IFT22: variants seen among roughly 807,000 people sequenced by gnomAD.
IFT22 encodes the protein intraflagellar transport protein 22 homolog.
IFT22 carries 13 observed loss-of-function variants against 21.0 expected under a neutral mutation model. The observed-to-expected ratio is 0.62, with a 90% CI of 0.40 to 0.98. IFT22 has a LOEUF of 0.98. IFT22 is among the 50% of genes least tolerant of loss of function. The pLI, the probability that IFT22 is intolerant of heterozygous loss-of-function variation, is 0.00. For synonymous variants in IFT22, 67 were observed against 82.4 expected, an observed-to-expected ratio of 0.81 and a Z score of 1.01; for missense variants, 227 against 228.9, an observed-to-expected ratio of 0.99 and a Z score of 0.06.
rs188615117 is a variant in IFT22, at chr7:101,315,551, G to T, written c.410-269C>A. 5.9e-5 allele frequency: 27 copies of T among 457,204 alleles called. No individual in the cohort carries two copies. The East Asian group carries it at 1.1e-3, about 18-fold the overall frequency. 28.3% of individuals were successfully genotyped at this position (457,204 alleles called of 1,614,324 possible). ...CATTTTGTTTCTGAATATTTTGTGAGTTCTTTTTCAGGATGACTGTGTCAC... is the reference window on the plus strand; with the variant it reads ...CATTTTGTTTCTGAATATTTTGTGATTTCTTTTTCAGGATGACTGTGTCAC... On this transcript the variant is annotated intron_variant, in intron 4 of 4. Coordinates refer to ENST00000315322, the MANE Select transcript of IFT22 (RefSeq NM_022777.4).
chr7:101,320,136 T>G (rs1032025898), intron 1 of IFT22, among the ~76,000 whole-genome samples: 9 of 151,874 alleles, frequency 5.9e-5, no homozygotes, highest in African/African-American at 1.7e-4. Context: ...TTTGTATTTT[T>G]AGTACAGATG....
Position 101,311,794 on chromosome 7 carries a change from A to G in IFT22, c.*3340T>C, listed in dbSNP as rs1789984692. Among the ~76,000 whole-genome samples the G allele has an allele frequency of 6.6e-6, 1 of 150,796 alleles. No individual in the cohort carries two copies. The highest frequency in any genetic ancestry group is 1.5e-5 in the Non-Finnish European group (1 of 67,636). ...TGGGAGGCTGAGGCGGGTAGACCACAAGGTCAGGAGTTCAAGACCAGCCTG... is the reference window on the plus strand; with the variant it reads ...TGGGAGGCTGAGGCGGGTAGACCACGAGGTCAGGAGTTCAAGACCAGCCTG... On this transcript the variant is annotated 3_prime_UTR_variant, in exon 5 of 5. Coordinates refer to ENST00000315322, the MANE Select transcript of IFT22 (RefSeq NM_022777.4).
chr7:101,319,411 T>C (rs4729687), intron 1 of IFT22, among the ~76,000 whole-genome samples: 81,096 of 151,514 alleles, frequency 0.54, 22,409 homozygotes, highest in African/African-American at 0.67. Flanking sequence ...TAGTAGAAAT[T>C]GGGGTTTCAC....
At position 101,312,998 on chromosome 7, in the gene IFT22, T is replaced by C. The variant is rs1296036135; in HGVS notation, c.*2136A>G. On this transcript the variant is annotated 3_prime_UTR_variant, in exon 5 of 5. Transcript: ENST00000315322. ...ACAGGCACGTGCTACCACGCCCAGCTAATTTTTGTATTTTTAGTAGAGACG... is the reference window on the plus strand; with the variant it reads ...ACAGGCACGTGCTACCACGCCCAGCCAATTTTTGTATTTTTAGTAGAGACG... Among the ~76,000 whole-genome samples, 2 of 151,492 alleles carry C rather than the reference T, an allele frequency of 1.3e-5. No individual in the cohort carries two copies. The highest frequency in any genetic ancestry group is 2.9e-5 in the Non-Finnish European group (2 of 67,892).
intron 3 of IFT22, among the ~76,000 whole-genome samples, chr7:101,317,124 G>T (rs1449385050): frequency 6.6e-6 from 1 of 151,570 alleles, no homozygotes; most frequent in Non-Finnish European, 1.5e-5. Flanking sequence ...TTTTTGTAAA[G>T]GTGGATGATT....
intron 2 of IFT22, chr7:101,318,463 T>C (rs990846396): frequency 2.0e-5 from 7 of 357,120 alleles, no homozygotes; most frequent in Non-Finnish European, 3.7e-5. Flanking sequence ...GAGATTGCAG[T>C]GAGCTGAGAT....
chr7:101,321,543 G>T, intron 1 of IFT22, 128 bp downstream of exon 1: 1 of 927,046 alleles, frequency 1.1e-6, no homozygotes, highest in Non-Finnish European at 1.6e-6. Context: ...CGCCAGTCGG[G>T]ATGGGCGCGG....
intron 1 of IFT22, 102 bp downstream of exon 1, chr7:101,321,569 G>T: frequency 2.3e-6 from 3 of 1,291,566 alleles, no homozygotes; most frequent in Non-Finnish European, 3.2e-6. Flanking sequence ...CCGGGTTCCC[G>T]CCTCCGGGAG....
At chr7:101,318,387 GTGTGCACC>G (rs1790227846) in intron 2 of IFT22, 174 bp from the exon 3 acceptor site, 1 of 466,596 alleles carries the variant, frequency 2.1e-6, no homozygotes, top group Admixed American at 3.4e-5. Context: ...GGGCATGATG[GTGTGCACC>G]TGTGATCTCA....
chr7:101,319,529 T>C (rs1288862609), intron 1 of IFT22, among the ~76,000 whole-genome samples: 2 of 151,768 alleles, frequency 1.3e-5, no homozygotes, highest in African/African-American at 4.8e-5. Flanking sequence ...AGCCAAGGAG[T>C]TCTTTTAGGT....
chr7:101,321,618 C>G, intron 1 of IFT22, 53 bp downstream of exon 1: 1 of 1,552,000 alleles, frequency 6.4e-7, no homozygotes, highest in Non-Finnish European at 8.7e-7. Context: ...TGCGCTCGCC[C>G]AGGCCCCGAG....
chr7:101,317,412 G>A (rs1360768118), intron 3 of IFT22, among the ~76,000 whole-genome samples: 1 of 151,820 alleles, frequency 6.6e-6, no homozygotes, highest in Non-Finnish European at 1.5e-5. Flanking sequence ...TGGATTACAG[G>A]TGTGAGCCAT....
intron 3 of IFT22, 95 bp downstream of exon 3, chr7:101,318,029 A>C (rs911374281): frequency 2.0e-5 from 21 of 1,072,894 alleles, no homozygotes; most frequent in Non-Finnish European, 2.8e-5. Context: ...TGGCCTCCCA[A>C]AGTGCTGGAA....
In IFT22 at chr7:101,311,363, A is replaced by G. The variant is rs1346014073; in HGVS notation, c.*3771T>C. 6.6e-6 allele frequency among the ~76,000 whole-genome samples: 1 copy of G among 152,156 alleles called. No individual in the cohort carries two copies. Among genetic ancestry groups the G allele is most frequent in the Non-Finnish European group, 1.5e-5 (1 of 68,026 alleles). Reference sequence around the variant, plus strand: ...AAATAATTTCCTTTTGAGGTGGTCAATTTTGTGAGATGGATTCTTGTTAGG... The same window carrying G: ...AAATAATTTCCTTTTGAGGTGGTCAGTTTTGTGAGATGGATTCTTGTTAGG... On this transcript the variant is annotated 3_prime_UTR_variant, in exon 5 of 5. Coordinates refer to ENST00000315322, the MANE Select transcript of IFT22 (RefSeq NM_022777.4).
At chr7:101,321,524 G>A (rs1562935590) in intron 1 of IFT22, 147 bp downstream of exon 1, 2 of 742,286 alleles carry the variant, frequency 2.7e-6, no homozygotes. Flanking sequence ...TTCACGGAAA[G>A]GGCAGGGGCG....
In IFT22 at chr7:101,312,096, GA is replaced by G. The variant is rs968822722; in HGVS notation, c.*3037del. On this transcript the variant is annotated 3_prime_UTR_variant, in exon 5 of 5. Transcript: ENST00000315322. ...AACATGTTTACCAATTTGGTGTTAT[GA>G]AAAATTTTTTAGAGGTTGTGTATGG... Among the ~76,000 whole-genome samples, 1 of 151,804 alleles carries G rather than the reference GA, an allele frequency of 6.6e-6. No homozygotes were observed. The highest frequency in any genetic ancestry group is 1.5e-5 in the Non-Finnish European group (1 of 67,952).
rs760041056 is a variant in IFT22, at chr7:101,315,203, C to A, written c.489G>T (p.Lys163Asn). ...DPEEIRMEFI[K>N]YLKSIINSMS... The stretch of plus-strand genomic sequence containing the variant: ...TGGAGTTGATTATGCTTTTTAAATA[C>A]TTTATGAATTCCATCCGGATCTCCT... The change falls in exon 5 of 5, where the codon AAG becomes AAT. Residue 163 changes from lysine (K) to asparagine (N), a missense_variant. Coordinates refer to ENST00000315322, the MANE Select transcript of IFT22 (RefSeq NM_022777.4). 1.6e-5 allele frequency: 26 copies of A among 1,614,128 alleles called. No individual in the cohort carries two copies. Among genetic ancestry groups the A allele is most frequent in the Non-Finnish European group, 2.2e-5 (26 of 1,180,024 alleles).
Position 101,320,557 on chromosome 7 carries a change from CCTTTT to C in IFT22, c.39+1109_39+1113del, listed in dbSNP as rs1209051050. 1.0e-3 allele frequency among the ~76,000 whole-genome samples: 134 copies of C among 130,114 alleles called. 2 individuals carry two copies. Among genetic ancestry groups the C allele is most frequent in the Non-Finnish European group, 1.3e-3 (81 of 64,174 alleles). The allele number at this position is 130,114 out of a possible 152,430, so 85.4% of individuals were successfully genotyped here. A position where few individuals can be genotyped will look rare whatever the true frequency, so the allele number is the denominator to read the frequency against. On this transcript the variant is annotated intron_variant, in intron 1 of 4. Coordinates refer to ENST00000315322, the MANE Select transcript of IFT22 (RefSeq NM_022777.4). ...TACAGGCGTGAGCCACCGCGCCCGG[CCTTTT>C]TTTTTTTTTTTTTTTTTTAAACGCA...
At chr7:101,320,102 A>G (rs2116933348) in intron 1 of IFT22, among the ~76,000 whole-genome samples, 1 of 151,554 alleles carries the variant, frequency 6.6e-6, no homozygotes, top group African/African-American at 2.4e-5. Flanking sequence ...GATTACAGGC[A>G]TGCACCACCA....
Sources: allele counts gnomAD v4.1 joint callset (sites outside exome capture counted in the v4.1 genomes callset), GRCh38; gene constraint gnomAD v4.1.1; transcripts MANE v1.5; gene names NCBI Gene and HGNC (gene_info 2026-07-23, HGNC 2026-07-21).